ZNF362: variants seen among roughly 807,000 people sequenced by gnomAD.
ZNF362 encodes zinc finger protein 362, also known as rotund homolog.
In ZNF362, 11 loss-of-function variants were observed where a neutral mutation model predicts 42.9. That is an observed-to-expected ratio of 0.26 (90% confidence interval 0.16 to 0.42). ZNF362 has a LOEUF of 0.42. Among genes scored for constraint, ZNF362 ranks in the 20% least tolerant of loss-of-function variants. The probability of loss-of-function intolerance (pLI) is 1.00; values close to 1 mark genes in which losing one functional copy is unlikely to be tolerated. For missense variants in ZNF362, 362 were observed against 576.2 expected, an observed-to-expected ratio of 0.63 and a Z score of 3.81; for synonymous variants, 255 against 257.3, an observed-to-expected ratio of 0.99 and a Z score of 0.09.
At chr1:33,165,875 G>A in the ZNF362 span, 10 of 227,788 alleles carry the variant, frequency 4.4e-5, no homozygotes, top group African/African-American at 1.6e-4. This position sits in a 1 kb window ranked among gnomAD's most constrained non-coding sequence, Gnocchi z 4.0. Flanking sequence ...CTGGATCCCC[G>A]CTTAGAATTA....
chr1:33,262,859 G>T (rs1645838538), intron 1 of ZNF362, among the ~76,000 whole-genome samples: 1 of 152,230 alleles, frequency 6.6e-6, no homozygotes. Flanking sequence ...GGAGCCAGGA[G>T]TTCAGGAAGC....
At position 33,295,157 on chromosome 1, in the gene ZNF362, G is replaced by C; in HGVS notation, c.998G>C (p.Arg333Pro). The change falls in exon 8 of 9, where the codon CGC becomes CCC. Residue 333 changes from arginine (R) to proline (P), a missense_variant. Physicochemically the swap from Arg to Pro is moderately radical, Grantham distance 103. Coordinates refer to ENST00000539719, the MANE Select transcript of ZNF362 (RefSeq NM_152493.3). Reference protein sequence around the residue: ...TQLSNLQSHQRQHNKDKPYKC... With the variant: ...TQLSNLQSHQPQHNKDKPYKC... ...GCTGTGCCCCTACAGTCTCACCAGC[G>C]CCAGCACAACAAGGACAAGCCCTAC... is the stretch of plus-strand genomic sequence containing the variant. 1 of 1,613,924 alleles carries C rather than the reference G, an allele frequency of 6.2e-7. No individual in the cohort carries two copies. Among genetic ancestry groups the C allele is most frequent in the Non-Finnish European group, 8.5e-7 (1 of 1,179,960 alleles).
At chr1:33,293,043 C>T (rs1414077729) in intron 6 of ZNF362, among the ~76,000 whole-genome samples, 1 of 152,228 alleles carries the variant, frequency 6.6e-6, no homozygotes, top group Admixed American at 6.5e-5. Context: ...TCCCTGCCCT[C>T]GGGATTCCCC....
the ZNF362 span, among the ~76,000 whole-genome samples, chr1:33,149,991 C>T: frequency 1.3e-5 from 2 of 152,212 alleles, no homozygotes; most frequent in Admixed American, 1.3e-4. Flanking sequence ...TGGGCTGCAT[C>T]ACCTGGCTCT....
the ZNF362 span, among the ~76,000 whole-genome samples, chr1:33,189,422 T>C: frequency 6.6e-6 from 1 of 151,804 alleles, no homozygotes; most frequent in Non-Finnish European, 1.5e-5. Context: ...CTGTTGCACA[T>C]ACTCGACTAT....
chr1:33,242,891 A>G, the ZNF362 span, among the ~76,000 whole-genome samples: 12 of 152,286 alleles, frequency 7.9e-5, no homozygotes, highest in Admixed American at 7.8e-4. Context: ...TATGTCCTTC[A>G]AAAAACATTC....
chr1:33,251,317 T>A, the ZNF362 span, among the ~76,000 whole-genome samples: 1 of 152,170 alleles, frequency 6.6e-6, no homozygotes, highest in Non-Finnish European at 1.5e-5. Flanking sequence ...ACTCCCCACA[T>A]CTATCAGTCA....
chr1:33,248,626 G>A, the ZNF362 span, among the ~76,000 whole-genome samples: 15 of 152,240 alleles, frequency 9.9e-5, no homozygotes, highest in African/African-American at 3.6e-4. Flanking sequence ...TTGCAAAATT[G>A]TGCTTACTTT....
the ZNF362 span, chr1:33,160,030 AC>A: frequency 1.8e-4 from 275 of 1,536,642 alleles, 1 homozygote; most frequent in Non-Finnish European, 2.2e-4. Flanking sequence ...GAGCCTTGAC[AC>A]ACAGAGAGGA....
the ZNF362 span, among the ~76,000 whole-genome samples, chr1:33,201,370 AAGAC>A: frequency 6.6e-6 from 1 of 152,232 alleles, no homozygotes; most frequent in East Asian, 1.9e-4. Context: ...AACATTTACT[AAGAC>A]AGACCATATT....
intron 6 of ZNF362, among the ~76,000 whole-genome samples, chr1:33,284,112 T>C (rs10798935): frequency 0.93 from 142,291 of 152,304 alleles, 66,758 homozygotes; most frequent in East Asian, 1. Flanking sequence ...CAACGTGTAA[T>C]GTGGCGGTTA....
intron 1 of ZNF362, among the ~76,000 whole-genome samples, chr1:33,259,951 C>G (rs1017406773): frequency 6.6e-6 from 1 of 152,188 alleles, no homozygotes; most frequent in Admixed American, 6.5e-5. Flanking sequence ...TTCCTCAACT[C>G]TAAAATGGGG....
At chr1:33,187,057 G>T in the ZNF362 span, among the ~76,000 whole-genome samples, 8 of 152,052 alleles carry the variant, frequency 5.3e-5, no homozygotes, top group Non-Finnish European at 1.2e-4. Flanking sequence ...GATTTATCCT[G>T]CAGGGAAACT....
rs375708023 is a variant in ZNF362, at chr1:33,270,534, A to G, written c.-41A>G. 1.5e-6 allele frequency: 2 copies of G among 1,333,490 alleles called. No homozygotes were observed. The highest frequency in any genetic ancestry group is 2.2e-6 in the Non-Finnish European group (2 of 928,660). The allele number at this position is 1,333,490 out of a possible 1,614,324, so 82.6% of individuals were successfully genotyped here. On this transcript the variant is annotated 5_prime_UTR_variant, in exon 2 of 9. Transcript: ENST00000539719. ...AGTGACTGGCTGGGGGTTCAGGGAA[A>G]GCTCCGTAGAAGAGGGAACACTTGA...
the ZNF362 span, among the ~76,000 whole-genome samples, chr1:33,183,366 C>A: frequency 6.6e-6 from 1 of 152,292 alleles, no homozygotes; most frequent in Admixed American, 6.5e-5. Context: ...TCCATCACAC[C>A]CTCATCTGGC....
chr1:33,215,046 A>G, the ZNF362 span, among the ~76,000 whole-genome samples: 1 of 152,240 alleles, frequency 6.6e-6, no homozygotes, highest in South Asian at 2.1e-4. Context: ...CTGCGCTCCC[A>G]TGTTTATTGC....
intron 8 of ZNF362, among the ~76,000 whole-genome samples, chr1:33,296,339 G>A (rs1646124280): frequency 6.6e-6 from 1 of 151,948 alleles, no homozygotes; most frequent in Admixed American, 6.5e-5. Context: ...CTGAGCTGCA[G>A]GGCCATGCCG....
the ZNF362 span, among the ~76,000 whole-genome samples, chr1:33,187,355 C>T: frequency 6.6e-6 from 1 of 152,146 alleles, no homozygotes; most frequent in Admixed American, 6.5e-5. Context: ...TCACAGTTCA[C>T]CCTTGCACCT....
At chr1:33,211,949 A>G in the ZNF362 span, among the ~76,000 whole-genome samples, 1 of 152,052 alleles carries the variant, frequency 6.6e-6, no homozygotes, top group Admixed American at 6.6e-5. Context: ...GATGGTTTTC[A>G]TCTGTGTCCC....
Sources: allele counts gnomAD v4.1 joint callset (sites outside exome capture counted in the v4.1 genomes callset), GRCh38; gene constraint gnomAD v4.1.1; non-coding constraint Gnocchi (gnomAD v3.1); transcripts MANE v1.5; gene names NCBI Gene and HGNC (gene_info 2026-07-23, HGNC 2026-07-21).